The following DENND2B variants were observed in gnomAD, a reference collection of about 807,000 sequenced individuals.
DENND2B encodes DENN domain containing 2B.
In DENND2B, 32 loss-of-function variants were observed where a neutral mutation model predicts 116.0. That is an observed-to-expected ratio of 0.28 (90% confidence interval 0.21 to 0.37). The LOEUF is 0.37. Ranked by LOEUF, DENND2B falls within the 10% of genes least tolerant of loss-of-function variation. The pLI is 1.00. For synonymous variants in DENND2B, 588 were observed against 583.9 expected (o/e 1.01, Z -0.10); for missense variants, 1,276 against 1,477.7 (o/e 0.86, Z 2.24).
intron 4 of DENND2B, among the ~76,000 whole-genome samples, chr11:8,823,339 A>G (rs1246163241): frequency 6.6e-6 from 1 of 152,194 alleles, no homozygotes; most frequent in African/African-American, 2.4e-5. Flanking sequence ...TATGAAATGA[A>G]TCTGCATCAA....
chr11:8,776,148 ACGCG>A (rs762259209), intron 1 of DENND2B: 3 of 189,468 alleles, frequency 1.6e-5, no homozygotes, highest in African/African-American at 3.8e-5. Flanking sequence ...ACGTGCGCGC[ACGCG>A]CGCGCGCGCA....
intron 14 of DENND2B, chr11:8,699,892 G>C (rs1439133997): frequency 2.2e-6 from 1 of 456,312 alleles, no homozygotes; most frequent in South Asian, 1.5e-5. Flanking sequence ...ACCCCAGGCA[G>C]AACAGGAAGG....
chr11:8,724,703 G>C (rs551974748), intron 4 of DENND2B, among the ~76,000 whole-genome samples: 5 of 152,158 alleles, frequency 3.3e-5, no homozygotes, highest in Non-Finnish European at 4.4e-5. Flanking sequence ...CCCTTCTTCT[G>C]AACAAGAGGA....
At chr11:8,843,638 T>C (rs2134623857) in intron 3 of DENND2B, among the ~76,000 whole-genome samples, 1 of 152,274 alleles carries the variant, frequency 6.6e-6, no homozygotes, top group Non-Finnish European at 1.5e-5. Flanking sequence ...CCACCGCCTC[T>C]CCTTTCCAAG....
rs781359483 is a variant in DENND2B, at chr11:8,715,826, G to C, written c.1630-8C>G. 8 of 1,592,008 alleles carry C rather than the reference G, an allele frequency of 5.0e-6. No individual in the cohort carries two copies. The highest frequency in any genetic ancestry group is 4.5e-5 in the South Asian group (4 of 88,854). On this transcript the variant is annotated splice_polypyrimidine_tract_variant and splice_region_variant and intron_variant, in intron 5 of 19. Coordinates refer to ENST00000313726, the MANE Select transcript of DENND2B (RefSeq NM_213618.2). ...GTTGGGTTTCAGGGAAAGCTGGCGT[G>C]GGGGAGAGGACGTGCGAGAGGGGCT... is the stretch of plus-strand genomic sequence containing the variant.
At position 8,836,776 on chromosome 11, in the gene DENND2B, AC is replaced by A. The variant is rs1214503463; in HGVS notation, c.-115+2533del. Among the ~76,000 whole-genome samples the A allele has an allele frequency of 1.7e-4, 26 of 152,154 alleles. No homozygotes were observed. In the East Asian group the frequency reaches 5.0e-3, roughly 29 times the overall value. The stretch of plus-strand genomic sequence containing the variant: ...GTCACCCAGGCTGGAGTGCAGTGGC[AC>A]GATCTCAGCTCACTGCAGTCTCGAC... On this transcript the variant is annotated intron_variant, in intron 4 of 6. Transcript: ENST00000524757.
chr11:8,789,784 A>AT (rs200851901), intron 1 of DENND2B, among the ~76,000 whole-genome samples: 1,963 of 152,186 alleles, frequency 0.013, 53 homozygotes, highest in African/African-American at 0.045. Flanking sequence ...ACAAAAAATA[A>AT]AAAAATAAAA....
intron 1 of DENND2B, among the ~76,000 whole-genome samples, chr11:8,757,613 A>T (rs2053840878): frequency 6.6e-6 from 1 of 152,226 alleles, no homozygotes; most frequent in African/African-American, 2.4e-5. Context: ...TTAAACATGT[A>T]ATTATAACAG....
intron 4 of DENND2B, among the ~76,000 whole-genome samples, chr11:8,816,615 G>GT (rs1413477609): frequency 6.6e-6 from 1 of 151,788 alleles, no homozygotes; most frequent in Non-Finnish European, 1.5e-5. Flanking sequence ...CCTACACTGG[G>GT]TTCTAGCTGC....
intron 1 of DENND2B, among the ~76,000 whole-genome samples, chr11:8,802,739 A>C (rs2060467322): frequency 6.6e-6 from 1 of 152,196 alleles, no homozygotes; most frequent in South Asian, 2.1e-4. Context: ...ATATTTATTC[A>C]AAGACCTGGT....
At chr11:8,893,794 A>G (rs1335807508) in intron 1 of DENND2B, among the ~76,000 whole-genome samples, 1 of 152,200 alleles carries the variant, frequency 6.6e-6, no homozygotes, top group African/African-American at 2.4e-5. Context: ...GATAGGAAGA[A>G]TCAATATTGT....
chr11:8,764,331 C>G (rs1425412379), intron 1 of DENND2B, among the ~76,000 whole-genome samples: 5 of 152,136 alleles, frequency 3.3e-5, no homozygotes, highest in Admixed American at 3.3e-4. Flanking sequence ...GGAGGAAAAC[C>G]CTTTTTTCCT....
intron 14 of DENND2B, chr11:8,700,118 C>T (rs746216740): frequency 9.9e-6 from 4 of 405,642 alleles, no homozygotes; most frequent in Non-Finnish European, 2.0e-5. Flanking sequence ...GAGGGTAGAA[C>T]CTTCAGGAAA....
intron 2 of DENND2B, among the ~76,000 whole-genome samples, chr11:8,860,652 C>T (rs2063360454): frequency 6.6e-6 from 1 of 152,098 alleles, no homozygotes; most frequent in African/African-American, 2.4e-5. Flanking sequence ...CAATTCCTAT[C>T]CAAATACTAA....
chr11:8,781,280 G>A (rs2058345214), intron 1 of DENND2B, among the ~76,000 whole-genome samples: 1 of 152,162 alleles, frequency 6.6e-6, no homozygotes, highest in African/African-American at 2.4e-5. Flanking sequence ...GCAGAGGAGG[G>A]ACTAACTTCT....
chr11:8,711,132 C>G lies in DENND2B; in HGVS notation c.2272G>C (p.Glu758Gln). The G allele has an allele frequency of 1.7e-5, 27 of 1,614,148 alleles. No homozygotes were observed. Among genetic ancestry groups the G allele is most frequent in the Middle Eastern group, 1.6e-4 (1 of 6,062 alleles). ...PDAKDWLPVS[E>Q]YSSETFSFML... ...CAGGCCAGGCCTCACCTGCTATACT[C>G]TGACACAGGAAGCCAGTCCTTGGCA... Residue 758 changes from glutamate to glutamine, a missense_variant, in exon 10 of 20, where the codon GAG becomes CAG. By Grantham distance (29) the Glu-to-Gln change is conservative. Transcript: ENST00000313726.
intron 4 of DENND2B, among the ~76,000 whole-genome samples, chr11:8,722,449 G>GCTGGGC (rs1206584422): frequency 6.6e-6 from 1 of 152,168 alleles, no homozygotes; most frequent in African/African-American, 2.4e-5. Context: ...CAGAGCACAG[G>GCTGGGC]CTGGGCCAAG....
chr11:8,888,359 G>C (rs550237897), intron 1 of DENND2B, among the ~76,000 whole-genome samples: 1 of 152,302 alleles, frequency 6.6e-6, no homozygotes, highest in African/African-American at 2.4e-5. Context: ...TGCAGAGAAA[G>C]AGGCTGGTGG....
intron 1 of DENND2B, among the ~76,000 whole-genome samples, chr11:8,771,257 A>G (rs2056792329): frequency 6.6e-6 from 1 of 152,142 alleles, no homozygotes; most frequent in Admixed American, 6.6e-5. Context: ...TAGAGCAACT[A>G]GAGTGCTCTC....
Sources: allele counts gnomAD v4.1 joint callset (sites outside exome capture counted in the v4.1 genomes callset), GRCh38; gene constraint gnomAD v4.1.1; transcripts MANE v1.5; gene names NCBI Gene and HGNC (gene_info 2026-07-23, HGNC 2026-07-21).